FMR1NB: variants seen among roughly 807,000 people sequenced by gnomAD.
The protein encoded by FMR1NB is FMR1 neighbor.
A neutral mutation model predicts 16.8 loss-of-function variants in FMR1NB; 10 were observed. That is an observed-to-expected ratio of 0.60 (90% CI 0.37 to 1.01). The LOEUF (loss-of-function observed/expected upper bound fraction) is 1.01. Ranked by LOEUF, FMR1NB falls within the 50% of genes least tolerant of loss-of-function variation. The pLI is 0.01. For synonymous variants in FMR1NB, 83 were observed against 79.1 expected (o/e 1.05, Z -0.26); for missense variants, 205 against 204.8 (o/e 1.00, Z 0.00).
In FMR1NB at chrX:148,024,856, A is replaced by T. The variant is rs1326881976; in HGVS notation, c.633-9A>T. ...AAATAAGGTTTCACTTGAACTTTTT[A>T]TGTTACAGCGAACCGGCCGATGATT... On this transcript the variant is annotated splice_polypyrimidine_tract_variant and intron_variant, in intron 4 of 5. Coordinates refer to ENST00000370467, the MANE Select transcript of FMR1NB (RefSeq NM_152578.3). The T allele has an allele frequency of 1.7e-6, 2 of 1,206,586 alleles. No individual in the cohort carries two copies. The highest frequency in any genetic ancestry group is 3.5e-5 in the African/African-American group (2 of 57,139).
At chrX:147,983,350 A>G (rs1177568317) in intron 1 of FMR1NB, among the ~76,000 whole-genome samples, 1 of 112,155 alleles carries the variant, frequency 8.9e-6, no homozygotes, top group East Asian at 2.8e-4. Context: ...ACCGTTTTAC[A>G]TCTCCACTAA....
In FMR1NB at chrX:147,988,805, G is replaced by A. The variant is rs1475664993; in HGVS notation, c.277+7126G>A. Reference sequence around the variant, plus strand: ...CTTCTTCTTGATTGATTTGGCTATTGATACTTGTGTATGCTTCACGAAGTT... The same window carrying A: ...CTTCTTCTTGATTGATTTGGCTATTAATACTTGTGTATGCTTCACGAAGTT... On this transcript the variant is annotated intron_variant, in intron 1 of 5. Coordinates refer to ENST00000370467, the MANE Select transcript of FMR1NB (RefSeq NM_152578.3). 3.6e-5 allele frequency among the ~76,000 whole-genome samples: 4 copies of A among 111,091 alleles called. 1 individual carries two copies. In the East Asian group the frequency reaches 8.5e-4, roughly 24 times the overall value.
chrX:147,993,889 C>G (rs2044527975), intron 1 of FMR1NB, among the ~76,000 whole-genome samples: 1 of 111,210 alleles, frequency 9.0e-6, no homozygotes, highest in Non-Finnish European at 1.9e-5. Flanking sequence ...GCCTCACTTG[C>G]TTCACTCAAA....
At chrX:147,996,674 A>G (rs782048163) in intron 1 of FMR1NB, among the ~76,000 whole-genome samples, 33 of 111,931 alleles carry the variant, frequency 2.9e-4, no homozygotes, top group Middle Eastern at 4.6e-3. Flanking sequence ...TGGCGATAGC[A>G]AAACATTAAA....
chrX:148,012,544 A>G (rs782366039), intron 4 of FMR1NB, among the ~76,000 whole-genome samples: 148 of 111,830 alleles, frequency 1.3e-3, no homozygotes, highest in African/African-American at 3.1e-3. Flanking sequence ...AACTAATAAA[A>G]TGTCTATTTT....
chrX:147,995,419 C>G (rs1364433225), intron 1 of FMR1NB, among the ~76,000 whole-genome samples: 1 of 111,725 alleles, frequency 9.0e-6, no homozygotes, highest in African/African-American at 3.3e-5. Flanking sequence ...AGTTGAGTGA[C>G]CTGAGGTAAC....
At chrX:147,989,536 G>A (rs1339888326) in intron 1 of FMR1NB, among the ~76,000 whole-genome samples, 1 of 112,070 alleles carries the variant, frequency 8.9e-6, no homozygotes, top group African/African-American at 3.2e-5. Context: ...TGCTGTGCTT[G>A]TAGAACCCTC....
At chrX:147,995,569 TC>T (rs782010428) in intron 1 of FMR1NB, among the ~76,000 whole-genome samples, 1 of 112,204 alleles carries the variant, frequency 8.9e-6, no homozygotes, top group Non-Finnish European at 1.9e-5. Context: ...GGAGTTTGAT[TC>T]CACCAATAAT....
At chrX:148,002,534 A>T (rs782793468) in intron 1 of FMR1NB, among the ~76,000 whole-genome samples, 1 of 112,455 alleles carries the variant, frequency 8.9e-6, no homozygotes, top group Middle Eastern at 4.6e-3. Context: ...TAATGTAATG[A>T]TAATCATTGC....
At chrX:148,016,173 T>C (rs1280109774) in intron 4 of FMR1NB, among the ~76,000 whole-genome samples, 2 of 110,766 alleles carry the variant, frequency 1.8e-5, no homozygotes, top group Admixed American at 9.6e-5. Context: ...TTTTCATTCC[T>C]TTATTTTCAG....
intron 1 of FMR1NB, among the ~76,000 whole-genome samples, chrX:147,982,767 G>A (rs1024600008): frequency 4.8e-5 from 5 of 104,483 alleles, no homozygotes; most frequent in East Asian, 3.1e-4. Flanking sequence ...GGTGGCAGGC[G>A]CCTGTATTCC....
chrX:148,009,582 G>A (rs1034698329), intron 4 of FMR1NB, among the ~76,000 whole-genome samples: 1 of 108,661 alleles, frequency 9.2e-6, no homozygotes, highest in Non-Finnish European at 1.9e-5. Flanking sequence ...AGCACAGTCA[G>A]GACTAGAGTG....
chrX:147,986,275 T>G (rs1290979600), intron 1 of FMR1NB, among the ~76,000 whole-genome samples: 1 of 112,595 alleles, frequency 8.9e-6, no homozygotes, highest in Non-Finnish European at 1.9e-5. Flanking sequence ...AGGTTGCCTG[T>G]TCACTCTGAT....
chrX:148,021,874 G>A (rs2044680909), intron 4 of FMR1NB, among the ~76,000 whole-genome samples: 1 of 107,599 alleles, frequency 9.3e-6, no homozygotes, highest in African/African-American at 3.4e-5. Flanking sequence ...CTCCCAGTCT[G>A]CCATCTTCCT....
intron 1 of FMR1NB, among the ~76,000 whole-genome samples, chrX:147,986,535 T>C (rs1395904014): frequency 1.8e-5 from 2 of 112,257 alleles, no homozygotes; most frequent in Non-Finnish European, 3.8e-5. Context: ...GCTTCCTGCA[T>C]ATGGCTAGCC....
chrX:148,016,975 T>A (rs1418206018), intron 4 of FMR1NB, among the ~76,000 whole-genome samples: 1 of 111,521 alleles, frequency 9.0e-6, no homozygotes, highest in African/African-American at 3.3e-5. Flanking sequence ...GATGATTTAT[T>A]ATTGGTCATT....
At chrX:148,022,282 A>G (rs1603088770) in intron 4 of FMR1NB, among the ~76,000 whole-genome samples, 1 of 111,494 alleles carries the variant, frequency 9.0e-6, no homozygotes, top group East Asian at 2.8e-4. Context: ...TCTTCTAGGA[A>G]GCTTACTCCA....
intron 4 of FMR1NB, among the ~76,000 whole-genome samples, chrX:148,023,266 A>G (rs1423631725): frequency 9.0e-6 from 1 of 111,622 alleles, no homozygotes; most frequent in East Asian, 2.8e-4. Flanking sequence ...CAACATGGCA[A>G]CATAAATAGG....
Position 147,981,579 on chromosome X carries a change from A to G in FMR1NB, c.177A>G (p.Glu59=). 8.3e-7 allele frequency: 1 copy of G among 1,211,670 alleles called. No individual in the cohort carries two copies. The highest frequency in any genetic ancestry group is 1.8e-5 in the South Asian group (1 of 56,961). Residue 59 remains glutamate (E), a synonymous_variant, in exon 1 of 6, where the codon GAA becomes GAG. Coordinates refer to ENST00000370467, the MANE Select transcript of FMR1NB (RefSeq NM_152578.3). ...ACAGGCCTCAGCCAGGATGGCGGGAATCTCTAAAGATGCGGGTCAGCAAAC... is the reference window on the plus strand; with the variant it reads ...ACAGGCCTCAGCCAGGATGGCGGGAGTCTCTAAAGATGCGGGTCAGCAAAC... ...MADRPQPGWR[E]SLKMRVSKPF...
Sources: allele counts gnomAD v4.1 joint callset (sites outside exome capture counted in the v4.1 genomes callset), GRCh38; gene constraint gnomAD v4.1.1; transcripts MANE v1.5; gene names NCBI Gene and HGNC (gene_info 2026-07-23, HGNC 2026-07-21).